FUT9: variants seen among roughly 807,000 people sequenced by gnomAD.
FUT9 encodes the protein fucosyltransferase 9, also known as 4-galactosyl-N-acetylglucosaminide 3-alpha-L-fucosyltransferase 9.
In FUT9, 15 loss-of-function variants were observed where a neutral mutation model predicts 29.7. That is an observed-to-expected ratio of 0.51 (90% CI 0.34 to 0.78). FUT9 has a LOEUF of 0.78. FUT9 is among the 30% of genes least tolerant of loss of function. FUT9 has a pLI of 0.01. For synonymous variants in FUT9, 169 were observed against 153.7 expected (o/e 1.10, Z -0.74); for missense variants, 319 against 425.4 (o/e 0.75, Z 2.20).
At chr6:96,123,312 A>C (rs1011768451) in intron 2 of FUT9, among the ~76,000 whole-genome samples, 9 of 152,128 alleles carry the variant, frequency 5.9e-5, no homozygotes, top group African/African-American at 2.2e-4. Flanking sequence ...TAAACAAAAA[A>C]ACCCAATGCT....
At chr6:96,194,173 G>T (rs1283271332) in intron 2 of FUT9, among the ~76,000 whole-genome samples, 1 of 151,998 alleles carries the variant, frequency 6.6e-6, no homozygotes, top group Non-Finnish European at 1.5e-5. Context: ...TGCATGTTGT[G>T]CACATGTACC....
chr6:96,166,560 AT>A (rs1773019548), intron 2 of FUT9, among the ~76,000 whole-genome samples: 1 of 152,186 alleles, frequency 6.6e-6, no homozygotes, highest in Admixed American at 6.5e-5. Context: ...AGTAAGCGCC[AT>A]TAATTCTGGA....
At chr6:96,049,875 T>A (rs1770633920) in intron 1 of FUT9, among the ~76,000 whole-genome samples, 1 of 152,188 alleles carries the variant, frequency 6.6e-6, no homozygotes, top group Non-Finnish European at 1.5e-5. Context: ...GACTAAATAG[T>A]TACTATGTGT....
In FUT9 at chr6:96,078,234, T is replaced by C. The variant is rs530814499; in HGVS notation, c.-97-35805T>C. On this transcript the variant is annotated intron_variant, in intron 1 of 2. Coordinates refer to ENST00000302103, the MANE Select transcript of FUT9 (RefSeq NM_006581.4). ...CAAATTTTCTACTGGAATTTTAATT[T>C]TGGTTATATTTCCATGAGCTTTTTC... Among the ~76,000 whole-genome samples the C allele has an allele frequency of 2.0e-4, 30 of 152,034 alleles. No individual in the cohort carries two copies. In the South Asian group the frequency reaches 2.7e-3, roughly 14 times the overall value.
intron 2 of FUT9, among the ~76,000 whole-genome samples, chr6:96,146,722 T>A (rs972920532): frequency 1.3e-5 from 2 of 152,192 alleles, no homozygotes; most frequent in Non-Finnish European, 2.9e-5. Flanking sequence ...GAAAACAGTA[T>A]TACTACTTGG....
intron 1 of FUT9, among the ~76,000 whole-genome samples, chr6:96,068,447 T>G (rs917359575): frequency 3.9e-5 from 6 of 152,190 alleles, no homozygotes; most frequent in Admixed American, 2.0e-4. Context: ...CATTGTCAAA[T>G]TCTATAATAA....
At chr6:96,189,593 T>C (rs1773468412) in intron 2 of FUT9, among the ~76,000 whole-genome samples, 2 of 152,150 alleles carry the variant, frequency 1.3e-5, no homozygotes, top group Non-Finnish European at 2.9e-5. Context: ...GGTGCTCCTG[T>C]ATTGGGTGCA....
At chr6:96,157,697 C>T (rs188909849) in intron 2 of FUT9, among the ~76,000 whole-genome samples, 2 of 152,224 alleles carry the variant, frequency 1.3e-5, no homozygotes, top group East Asian at 3.9e-4. Flanking sequence ...TCTTATTTGA[C>T]ATGTTTTATA....
chr6:96,043,241 C>CG (rs1770498971), intron 1 of FUT9, among the ~76,000 whole-genome samples: 1 of 152,038 alleles, frequency 6.6e-6, no homozygotes, highest in Admixed American at 6.6e-5. Flanking sequence ...TTAGTAGAGA[C>CG]GGGGTTTCAC....
At chr6:96,168,715 G>C (rs1365218348) in intron 2 of FUT9, among the ~76,000 whole-genome samples, 1 of 152,172 alleles carries the variant, frequency 6.6e-6, no homozygotes, top group East Asian at 1.9e-4. Context: ...TGAAATACAA[G>C]AGTAAATCAG....
intron 1 of FUT9, among the ~76,000 whole-genome samples, chr6:96,032,976 G>A (rs781597181): frequency 2.6e-5 from 4 of 151,564 alleles, no homozygotes; most frequent in Non-Finnish European, 5.9e-5. Flanking sequence ...TCGGCATGAC[G>A]GTTTTTGACG....
intron 1 of FUT9, among the ~76,000 whole-genome samples, chr6:96,084,822 A>G (rs1338470890): frequency 6.6e-6 from 1 of 152,122 alleles, no homozygotes; most frequent in Non-Finnish European, 1.5e-5. Flanking sequence ...CTCTCCACAG[A>G]CATTTACTCT....
chr6:96,105,485 G>T (rs1385965997), intron 1 of FUT9, among the ~76,000 whole-genome samples: 1 of 152,054 alleles, frequency 6.6e-6, no homozygotes, highest in East Asian at 1.9e-4. Context: ...GCATAAAATA[G>T]CTATTTAATA....
At chr6:96,200,158 G>A (rs2127990791) in intron 2 of FUT9, among the ~76,000 whole-genome samples, 1 of 152,200 alleles carries the variant, frequency 6.6e-6, no homozygotes, top group East Asian at 1.9e-4. Flanking sequence ...GTGTGTGTGT[G>A]TATAAGTTAA....
At chr6:96,055,557 G>C (rs1291984376) in intron 1 of FUT9, among the ~76,000 whole-genome samples, 1 of 151,340 alleles carries the variant, frequency 6.6e-6, no homozygotes, top group East Asian at 1.9e-4. Context: ...ATTGTTCAAG[G>C]GTAAATGTGC....
intron 1 of FUT9, among the ~76,000 whole-genome samples, chr6:96,052,651 A>G (rs1321561991): frequency 6.6e-6 from 1 of 152,226 alleles, no homozygotes; most frequent in African/African-American, 2.4e-5. Context: ...AGAACATCAG[A>G]GAATTTTCCA....
intron 1 of FUT9, among the ~76,000 whole-genome samples, chr6:96,041,629 G>C (rs1770462554): frequency 6.6e-6 from 1 of 152,138 alleles, no homozygotes; most frequent in African/African-American, 2.4e-5. Context: ...ACATTTAGCT[G>C]TTCTGGACAC....
intron 1 of FUT9, among the ~76,000 whole-genome samples, chr6:96,023,013 G>A (rs1300820046): frequency 1.3e-5 from 2 of 151,906 alleles, no homozygotes; most frequent in African/African-American, 4.8e-5. Context: ...AATTAGGGAT[G>A]TGGGACCCCA....
intron 2 of FUT9, among the ~76,000 whole-genome samples, chr6:96,157,770 A>G (rs935138106): frequency 1.1e-4 from 17 of 152,170 alleles, no homozygotes; most frequent in African/African-American, 4.1e-4. Context: ...ATTTGAATCA[A>G]TATCATATTA....
Sources: gnomAD v4.1 joint callset for allele counts (sites outside exome capture counted in the v4.1 genomes callset) on GRCh38, gnomAD v4.1.1 for gene constraint, MANE v1.5 for transcripts, NCBI Gene and HGNC (gene_info 2026-07-23, HGNC 2026-07-21) for gene names.